HTR1F: variants seen among roughly 807,000 people sequenced by gnomAD.
The protein encoded by HTR1F is 5-hydroxytryptamine receptor 1F.
In HTR1F, 17 loss-of-function variants were observed where a neutral mutation model predicts 24.0. The ratio of observed to expected loss-of-function variants is 0.71; its 90% CI spans 0.48 to 1.06. The LOEUF is 1.06. Among genes scored for constraint, HTR1F ranks in the 50% least tolerant of loss-of-function variants. HTR1F has a pLI of 0.00. For missense variants in HTR1F, 391 were observed against 427.8 expected (o/e 0.91, Z 0.76); for synonymous variants, 186 against 156.8 (o/e 1.19, Z -1.39).
chr3:87,992,092 A>C lies in HTR1F; in HGVS notation c.*242A>C, dbSNP rs1705850410. ...TTATAAACAATATTTTGCCTATGCAATGTTCCTAAAAAGCTAACTGGAAAA... is the reference window on the plus strand; with the variant it reads ...TTATAAACAATATTTTGCCTATGCACTGTTCCTAAAAAGCTAACTGGAAAA... On this transcript the variant is annotated 3_prime_UTR_variant, in exon 3 of 3. Transcript: ENST00000319595. 3.7e-6 allele frequency: 1 copy of C among 268,838 alleles called. No individual in the cohort carries two copies. The highest frequency in any genetic ancestry group is 1.3e-4 in the South Asian group (1 of 7,684). 16.7% of individuals were successfully genotyped at this position (268,838 alleles called of 1,614,324 possible).
At chr3:87,811,524 A>G (rs1704160698) in intron 1 of HTR1F, among the ~76,000 whole-genome samples, 1 of 152,234 alleles carries the variant, frequency 6.6e-6, no homozygotes, top group Non-Finnish European at 1.5e-5. Context: ...ATAATAGGAA[A>G]AGAAAAGTAT....
chr3:87,951,954 T>C (rs1351732916), intron 2 of HTR1F, among the ~76,000 whole-genome samples: 1 of 152,084 alleles, frequency 6.6e-6, no homozygotes, highest in East Asian at 1.9e-4. Context: ...TTCTTTCATT[T>C]AGTAATATGC....
intron 2 of HTR1F, among the ~76,000 whole-genome samples, chr3:87,871,561 A>G (rs188594014): frequency 6.6e-6 from 1 of 152,232 alleles, no homozygotes; most frequent in Non-Finnish European, 1.5e-5. Flanking sequence ...CAGTAAGCTT[A>G]ATGGTTCAAA....
At chr3:87,840,466 G>A (rs1251769841) in intron 2 of HTR1F, among the ~76,000 whole-genome samples, 1 of 152,098 alleles carries the variant, frequency 6.6e-6, no homozygotes, top group African/African-American at 2.4e-5. Context: ...GCTTTATACT[G>A]TAGAGAAAAG....
At chr3:87,932,002 C>A (rs1704286339) in intron 2 of HTR1F, among the ~76,000 whole-genome samples, 1 of 152,084 alleles carries the variant, frequency 6.6e-6, no homozygotes, top group Admixed American at 6.6e-5. Context: ...GTTGCCTGTT[C>A]ACTCTGATGG....
intron 2 of HTR1F, among the ~76,000 whole-genome samples, chr3:87,828,905 C>T (rs1295942930): frequency 6.6e-6 from 1 of 152,086 alleles, no homozygotes; most frequent in African/African-American, 2.4e-5. Flanking sequence ...TTCCCAATAA[C>T]AAAACAAAGA....
intron 1 of HTR1F, among the ~76,000 whole-genome samples, chr3:87,798,246 G>T (rs1703937071): frequency 6.6e-6 from 1 of 151,884 alleles, no homozygotes; most frequent in Non-Finnish European, 1.5e-5. Flanking sequence ...GACTTCAGAG[G>T]TTCTCAAGAA....
At chr3:87,804,605 G>A (rs1439336042) in intron 1 of HTR1F, among the ~76,000 whole-genome samples, 2 of 151,766 alleles carry the variant, frequency 1.3e-5, no homozygotes, top group Non-Finnish European at 2.9e-5. Flanking sequence ...TATTTTTATT[G>A]TTATTTGAAT....
rs139928666 is a variant in HTR1F, at chr3:87,873,886, T to A, written c.-43+51762T>A. On this transcript the variant is annotated intron_variant, in intron 2 of 2. Coordinates refer to ENST00000319595, the MANE Select transcript of HTR1F (RefSeq NM_001322209.2). The stretch of plus-strand genomic sequence containing the variant: ...AGTAAGGACAAAAACCATATGATTA[T>A]CTCAATAGATACAGAAAATGTACAT... Among the ~76,000 whole-genome samples the A allele has an allele frequency of 1.3e-3, 202 of 152,242 alleles. 2 individuals carry two copies. Among genetic ancestry groups the A allele is most frequent in the African/African-American group, 4.6e-3 (193 of 41,536 alleles).
intron 2 of HTR1F, among the ~76,000 whole-genome samples, chr3:87,987,789 T>C (rs1705704385): frequency 7.1e-6 from 1 of 139,874 alleles, no homozygotes. Context: ...GTATTTTATA[T>C]ATATAAAATA....
At chr3:87,920,502 C>T (rs1331357534) in intron 2 of HTR1F, among the ~76,000 whole-genome samples, 1 of 151,406 alleles carries the variant, frequency 6.6e-6, no homozygotes, top group Non-Finnish European at 1.5e-5. Flanking sequence ...GGACATGGCA[C>T]CTATATTTTT....
chr3:87,930,336 G>A (rs1704231624), intron 2 of HTR1F, among the ~76,000 whole-genome samples: 1 of 152,178 alleles, frequency 6.6e-6, no homozygotes, highest in African/African-American at 2.4e-5. Flanking sequence ...TATGAGTGGT[G>A]AGAGAGGGCA....
chr3:87,893,345 A>G (rs1326171064), intron 2 of HTR1F, among the ~76,000 whole-genome samples: 2 of 152,202 alleles, frequency 1.3e-5, no homozygotes, highest in Non-Finnish European at 2.9e-5. Flanking sequence ...TATCATTCCT[A>G]AAAATGATTC....
At chr3:87,820,398 G>T (rs1375208408) in intron 1 of HTR1F, among the ~76,000 whole-genome samples, 2 of 151,564 alleles carry the variant, frequency 1.3e-5, no homozygotes, top group African/African-American at 4.9e-5. Context: ...GGATGGTCTC[G>T]ATCTCCTGAC....
At chr3:87,940,174 T>C (rs1441802570) in intron 2 of HTR1F, among the ~76,000 whole-genome samples, 2 of 152,230 alleles carry the variant, frequency 1.3e-5, no homozygotes, top group African/African-American at 2.4e-5. Context: ...TTGTGCAGTT[T>C]TGAGAGAGTC....
intron 2 of HTR1F, among the ~76,000 whole-genome samples, chr3:87,926,214 CA>C (rs1274936040): frequency 1.3e-5 from 2 of 152,180 alleles, no homozygotes; most frequent in Non-Finnish European, 2.9e-5. Flanking sequence ...AAGTTATATA[CA>C]AGGTCCTTTT....
rs1704081369 is a variant in HTR1F at position 87,806,823 on chromosome 3, G to A, written c.-160+13981G>A. Among the ~76,000 whole-genome samples, 3 of 151,984 alleles carry A rather than the reference G, an allele frequency of 2.0e-5. No homozygotes were observed. In the South Asian group the frequency reaches 6.2e-4, roughly 32 times the overall value. On this transcript the variant is annotated intron_variant, in intron 1 of 2. Coordinates refer to ENST00000319595, the MANE Select transcript of HTR1F (RefSeq NM_001322209.2). ...CACTTTGAGTTGATTTTTGTTTATG[G>A]TGAGAGGTATGAATTTAGTTTCATT...
At chr3:87,829,231 G>A (rs6773344) in intron 2 of HTR1F, among the ~76,000 whole-genome samples, 10,250 of 152,012 alleles carry the variant, frequency 0.067, 1,119 homozygotes, top group African/African-American at 0.23. Flanking sequence ...CCTCAGTTTG[G>A]TCTCCAGACT....
intron 1 of HTR1F, among the ~76,000 whole-genome samples, chr3:87,804,583 CA>C (rs1332775180): frequency 2.0e-5 from 3 of 151,844 alleles, no homozygotes; most frequent in Admixed American, 6.6e-5. Flanking sequence ...ATTTGAATAT[CA>C]GTATTTTTCC....
Sources: gnomAD v4.1 joint callset for allele counts (sites outside exome capture counted in the v4.1 genomes callset) on GRCh38, gnomAD v4.1.1 for gene constraint, MANE v1.5 for transcripts, NCBI Gene and HGNC (gene_info 2026-07-23, HGNC 2026-07-21) for gene names.